TOX: variants seen among roughly 807,000 people sequenced by gnomAD.
The protein encoded by TOX is thymocyte selection-associated high mobility group box protein TOX.
A neutral mutation model predicts 53.7 loss-of-function variants in TOX; 11 were observed. The ratio of observed to expected loss-of-function variants is 0.20; its 90% confidence interval spans 0.13 to 0.34. The LOEUF (loss-of-function observed/expected upper bound fraction) is 0.34. Among genes scored for constraint, TOX ranks in the 10% least tolerant of loss-of-function variants. The pLI, the probability that TOX is intolerant of heterozygous loss-of-function variation, is 1.00. For missense variants in TOX, 570 were observed against 664.6 expected (o/e 0.86, Z 1.56); for synonymous variants, 225 against 245.3 (o/e 0.92, Z 0.77).
chr8:58,946,684 G>GT (rs1272102163), intron 2 of TOX, among the ~76,000 whole-genome samples: 3 of 152,162 alleles, frequency 2.0e-5, no homozygotes, highest in Non-Finnish European at 4.4e-5. Flanking sequence ...TTGGTAGAAA[G>GT]TATGACATTT....
At chr8:58,878,206 A>G (rs1386936559) in intron 3 of TOX, among the ~76,000 whole-genome samples, 1 of 91,358 alleles carries the variant, frequency 1.1e-5, no homozygotes. Context: ...TGGTATTTGG[A>G]AAAAAAAAAA....
intron 3 of TOX, among the ~76,000 whole-genome samples, chr8:58,890,236 G>T (rs1811539470): frequency 6.9e-6 from 1 of 145,190 alleles, no homozygotes; most frequent in Non-Finnish European, 1.6e-5. Flanking sequence ...ATCCAATGTA[G>T]TTATCATATT....
intron 1 of TOX, among the ~76,000 whole-genome samples, chr8:59,013,058 A>G (rs1008973120): frequency 9.9e-5 from 15 of 152,170 alleles, no homozygotes; most frequent in African/African-American, 3.6e-4. Flanking sequence ...GCTTGTGTTC[A>G]CAACTATTCA....
intron 3 of TOX, among the ~76,000 whole-genome samples, chr8:58,933,268 G>A (rs757042003): frequency 7.2e-5 from 11 of 152,124 alleles, no homozygotes; most frequent in Non-Finnish European, 1.5e-4. Flanking sequence ...GCATTTTCCC[G>A]TTCACCAATC....
In TOX at chr8:58,955,808, C is replaced by G. The variant is rs544237536; in HGVS notation, c.168+4135G>C. On this transcript the variant is annotated intron_variant, in intron 2 of 8. Coordinates refer to ENST00000361421, the MANE Select transcript of TOX (RefSeq NM_014729.3). ...GGAGTGCAGTGGCGTGATCTTGGCT[C>G]ACTGCAACCTCCACCTCCTGGGTTC... 3.1e-4 allele frequency among the ~76,000 whole-genome samples: 46 copies of G among 149,974 alleles called. 1 individual carries two copies. The highest frequency in any genetic ancestry group is 2.7e-3 in the Admixed American group (41 of 14,926).
chr8:59,076,093 C>A (rs1441163136), intron 1 of TOX, among the ~76,000 whole-genome samples: 1 of 151,746 alleles, frequency 6.6e-6, no homozygotes, highest in Non-Finnish European at 1.5e-5. Context: ...GCGCTGTAAA[C>A]CAGGTTAGAA....
At chr8:58,975,166 A>T (rs1301740892) in intron 1 of TOX, among the ~76,000 whole-genome samples, 1 of 151,316 alleles carries the variant, frequency 6.6e-6, no homozygotes, top group African/African-American at 2.5e-5. Flanking sequence ...ATATACTTAC[A>T]GAGAAATGTA....
In TOX at chr8:59,117,226, A is replaced by G. The variant is rs916127087; in HGVS notation, c.102+1660T>C. The stretch of plus-strand genomic sequence containing the variant: ...TTTTATTAGCAATAGTATTGGTGTC[A>G]TAAGCAAAATAAAACGTAACACAAT... On this transcript the variant is annotated intron_variant, in intron 1 of 8. Transcript: ENST00000361421. The surrounding 1 kb of genome is among the most constrained non-coding windows in gnomAD (Gnocchi z 4.6). Among the ~76,000 whole-genome samples, 1 of 152,240 alleles carries G rather than the reference A, an allele frequency of 6.6e-6. No homozygotes were observed. Among genetic ancestry groups the G allele is most frequent in the Admixed American group, 6.5e-5 (1 of 15,286 alleles).
chr8:58,807,662 G>T lies in TOX; in HGVS notation c.*85C>A. 1 of 1,504,224 alleles carries T rather than the reference G, an allele frequency of 6.6e-7. No homozygotes were observed. The highest frequency in any genetic ancestry group is 9.2e-7 in the Non-Finnish European group (1 of 1,087,058). The allele number at this position is 1,504,224 out of a possible 1,614,324, so 93.2% of individuals were successfully genotyped here. The stretch of plus-strand genomic sequence containing the variant: ...AGCAACTTGTATTTTCTAATAAAAT[G>T]GAGAACTGCCTTGACTGTACAAAGC... On this transcript the variant is annotated 3_prime_UTR_variant, in exon 9 of 9. Coordinates refer to ENST00000361421, the MANE Select transcript of TOX (RefSeq NM_014729.3).
chr8:59,000,140 T>C (rs888906579), intron 1 of TOX, among the ~76,000 whole-genome samples: 4 of 152,106 alleles, frequency 2.6e-5, no homozygotes, highest in African/African-American at 7.2e-5. Context: ...AAATCTACTA[T>C]GTACAGGGTA....
At chr8:58,876,358 T>G (rs1188353231) in intron 3 of TOX, among the ~76,000 whole-genome samples, 2 of 152,164 alleles carry the variant, frequency 1.3e-5, no homozygotes, top group Non-Finnish European at 2.9e-5. Flanking sequence ...TGTGTTGTGA[T>G]TTGATGTGGG....
chr8:58,981,544 T>C (rs899043053), intron 1 of TOX, among the ~76,000 whole-genome samples: 10 of 152,202 alleles, frequency 6.6e-5, no homozygotes, highest in African/African-American at 2.4e-4. Flanking sequence ...AATTCCACTA[T>C]ACAATAATGT....
At chr8:58,991,448 A>G (rs900791892) in intron 1 of TOX, among the ~76,000 whole-genome samples, 6 of 152,234 alleles carry the variant, frequency 3.9e-5, no homozygotes, top group South Asian at 2.1e-4. Flanking sequence ...TTGAAAGGGA[A>G]ACTATAGTAA....
rs1383654530 is a variant in TOX at position 59,117,335 on chromosome 8, A to G, written c.102+1551T>C. ...ATGAAACTTCATCACACAAACTCCT[A>G]TGCGCTTGCCAAAGTTCCCCGTACC... On this transcript the variant is annotated intron_variant, in intron 1 of 8. Coordinates refer to ENST00000361421, the MANE Select transcript of TOX (RefSeq NM_014729.3). The surrounding 1 kb of genome is among the most constrained non-coding windows in gnomAD (Gnocchi z 4.6). Among the ~76,000 whole-genome samples, 1 of 152,236 alleles carries G rather than the reference A, an allele frequency of 6.6e-6. No individual in the cohort carries two copies. The highest frequency in any genetic ancestry group is 1.5e-5 in the Non-Finnish European group (1 of 68,044).
chr8:58,823,020 C>T (rs576424081), intron 6 of TOX, among the ~76,000 whole-genome samples: 11 of 152,252 alleles, frequency 7.2e-5, no homozygotes, highest in African/African-American at 1.4e-4. Context: ...ACTCTGTAGA[C>T]GGATGCCATG....
chr8:58,973,262 T>C (rs1443250213), intron 1 of TOX, among the ~76,000 whole-genome samples: 3 of 152,192 alleles, frequency 2.0e-5, no homozygotes, highest in Admixed American at 6.5e-5. Context: ...AGGATCCCAT[T>C]ATATTCTATT....
intron 1 of TOX, among the ~76,000 whole-genome samples, chr8:58,981,035 T>A (rs752592620): frequency 2.6e-5 from 4 of 152,236 alleles, no homozygotes; most frequent in Admixed American, 1.3e-4. Flanking sequence ...GATTTTTATA[T>A]TTCTCTTGCA....
intron 1 of TOX, among the ~76,000 whole-genome samples, chr8:59,028,513 A>G (rs982703666): frequency 6.6e-6 from 1 of 152,152 alleles, no homozygotes; most frequent in African/African-American, 2.4e-5. Flanking sequence ...TAATATATAG[A>G]CAGATATAAA....
At chr8:59,077,868 C>A (rs965912619) in intron 1 of TOX, among the ~76,000 whole-genome samples, 1 of 152,144 alleles carries the variant, frequency 6.6e-6, no homozygotes, top group Admixed American at 6.5e-5. Context: ...ATATATGGAA[C>A]AATCCTTTTT....
Sources: allele counts gnomAD v4.1 joint callset (sites outside exome capture counted in the v4.1 genomes callset), GRCh38; gene constraint gnomAD v4.1.1; non-coding constraint Gnocchi (gnomAD v3.1); transcripts MANE v1.5; gene names NCBI Gene and HGNC (gene_info 2026-07-23, HGNC 2026-07-21).